The following TWIST2 variants were observed in gnomAD, a reference collection of about 807,000 sequenced individuals.
The protein encoded by TWIST2 is twist family bHLH transcription factor 2.
In TWIST2, 1 loss-of-function variant was observed where a neutral mutation model predicts 11.6. The ratio of observed to expected loss-of-function variants is 0.09; its 90% CI spans 0.03 to 0.41. The LOEUF (loss-of-function observed/expected upper bound fraction) is 0.41. Ranked by LOEUF, TWIST2 falls within the 10% of genes least tolerant of loss-of-function variation. TWIST2 has a pLI of 0.98. For synonymous variants in TWIST2, 87 were observed against 96.6 expected (o/e 0.90, Z 0.58); for missense variants, 168 against 226.4 (o/e 0.74, Z 1.66).
intron 1 of TWIST2, among the ~76,000 whole-genome samples, chr2:238,871,751 C>T (rs570597993): frequency 5.3e-5 from 8 of 151,052 alleles, no homozygotes; most frequent in African/African-American, 1.9e-4. Context: ...GGGACCATAG[C>T]ATGGATGAAC....
chr2:238,869,610 A>G (rs1352081633), intron 1 of TWIST2, among the ~76,000 whole-genome samples: 1 of 152,202 alleles, frequency 6.6e-6, no homozygotes, highest in Non-Finnish European at 1.5e-5. Context: ...GCTTGACACT[A>G]CCACCCATCA....
At chr2:238,905,972 T>TGC (rs1428637953) in intron 1 of TWIST2, among the ~76,000 whole-genome samples, 1 of 139,326 alleles carries the variant, frequency 7.2e-6, no homozygotes, top group South Asian at 2.2e-4. Context: ...TGCGTGTGTG[T>TGC]GCGCGCGCGT....
At chr2:238,853,064 T>C (rs990718972) in intron 1 of TWIST2, among the ~76,000 whole-genome samples, 1 of 152,100 alleles carries the variant, frequency 6.6e-6, no homozygotes, top group Non-Finnish European at 1.5e-5. Context: ...TAGAAGTGGT[T>C]CCCTGTAAGT....
Position 238,865,690 on chromosome 2 carries a change from C to CT in TWIST2, c.*35+16971dup, listed in dbSNP as rs376708742. Among the ~76,000 whole-genome samples, 1,279 of 146,988 alleles carry CT rather than the reference C, an allele frequency of 8.7e-3. 5 individuals are homozygous for CT. Among genetic ancestry groups the CT allele is most frequent in the Non-Finnish European group, 0.011 (764 of 66,484 alleles). Reference sequence around the variant, plus strand: ...AGCTGTGCCATCTGGTCTTTTGGAACTTTTTTTTTTTTTTGCTGTGGCATT... The same window carrying CT: ...AGCTGTGCCATCTGGTCTTTTGGAACTTTTTTTTTTTTTTTGCTGTGGCATT... On this transcript the variant is annotated intron_variant, in intron 1 of 1. Transcript: ENST00000612363.
At chr2:238,852,963 A>G (rs1008401979) in intron 1 of TWIST2, among the ~76,000 whole-genome samples, 4 of 152,222 alleles carry the variant, frequency 2.6e-5, no homozygotes, top group Non-Finnish European at 5.9e-5. Flanking sequence ...ATCTCAGAGT[A>G]ATAAACTAAA....
intron 1 of TWIST2, among the ~76,000 whole-genome samples, chr2:238,853,402 AGG>A (rs1460717479): frequency 3.4e-5 from 5 of 147,132 alleles, no homozygotes; most frequent in African/African-American, 7.7e-5. Context: ...AGAGAGAGAG[AGG>A]GAGAGAGGGA....
Position 238,863,087 on chromosome 2 carries a change from T to G in TWIST2, c.*35+14354T>G, listed in dbSNP as rs962651808. Among the ~76,000 whole-genome samples, 1 of 152,086 alleles carries G rather than the reference T, an allele frequency of 6.6e-6. No homozygotes were observed. The highest frequency in any genetic ancestry group is 2.4e-5 in the African/African-American group (1 of 41,412). ...ATTTTCTACAGATGCCCTGTATTAC[T>G]TCTGCAATTTGAGAACACAAATCCA... On this transcript the variant is annotated intron_variant, in intron 1 of 1. Transcript: ENST00000612363. This position sits in a 1 kb window ranked among gnomAD's most constrained non-coding sequence, Gnocchi z 4.7.
Position 238,848,728 on chromosome 2 carries a change from G to C in TWIST2, c.*30G>C. 4 of 1,464,894 alleles carry C rather than the reference G, an allele frequency of 2.7e-6. No homozygotes were observed. The highest frequency in any genetic ancestry group is 3.6e-6 in the Non-Finnish European group (4 of 1,110,010). The allele number at this position is 1,464,894 out of a possible 1,614,324, so 90.7% of individuals were successfully genotyped here. ...GCGCCACCCACCTCCGGACCGGCGC[G>C]CCAGGGTAGGTGCTGCGCGCGCGAC... On this transcript the variant is annotated 3_prime_UTR_variant, in exon 1 of 2. Transcript: ENST00000612363.
intron 1 of TWIST2, among the ~76,000 whole-genome samples, chr2:238,881,441 TTATTAG>T (rs1408297140): frequency 2.6e-5 from 4 of 151,756 alleles, no homozygotes; most frequent in Admixed American, 6.6e-5. Flanking sequence ...GTGTCGGTAT[TTATTAG>T]TATTAGTGTT....
intron 1 of TWIST2, among the ~76,000 whole-genome samples, chr2:238,888,341 C>T (rs1693076655): frequency 2.0e-5 from 2 of 102,436 alleles, no homozygotes; most frequent in South Asian, 6.5e-4. Context: ...TGTTTGATTG[C>T]AGGGCCGTGC....
chr2:238,858,504 A>T (rs1196871175), intron 1 of TWIST2, among the ~76,000 whole-genome samples: 1 of 152,182 alleles, frequency 6.6e-6, no homozygotes, highest in Non-Finnish European at 1.5e-5. Context: ...GTCAGAACCC[A>T]TTGTCTTGTG....
chr2:238,870,689 ACAC>A (rs1381573230), intron 1 of TWIST2, among the ~76,000 whole-genome samples: 17 of 33,048 alleles, frequency 5.1e-4, no homozygotes, highest in African/African-American at 2.4e-3. Context: ...CACACACCAC[ACAC>A]CACATCCCAC....
At chr2:238,891,339 G>T (rs1394079455) in intron 1 of TWIST2, among the ~76,000 whole-genome samples, 1 of 152,238 alleles carries the variant, frequency 6.6e-6, no homozygotes, top group Non-Finnish European at 1.5e-5. Flanking sequence ...CGCCCTCACT[G>T]TGCCCAGTGG....
intron 1 of TWIST2, among the ~76,000 whole-genome samples, chr2:238,906,179 C>A (rs966170974): frequency 2.0e-5 from 3 of 151,974 alleles, no homozygotes; most frequent in African/African-American, 7.3e-5. Flanking sequence ...AACCACACGT[C>A]CCCCCTGCAC....
At chr2:238,860,860 C>G (rs1202920500) in intron 1 of TWIST2, among the ~76,000 whole-genome samples, 7 of 152,118 alleles carry the variant, frequency 4.6e-5, no homozygotes, top group African/African-American at 1.7e-4. Flanking sequence ...ATCGCTTGAA[C>G]CTGGGAGGTG....
intron 1 of TWIST2, among the ~76,000 whole-genome samples, chr2:238,909,634 A>G (rs1400700685): frequency 2.6e-5 from 4 of 152,044 alleles, no homozygotes; most frequent in African/African-American, 9.7e-5. Context: ...GGCCTGGCCC[A>G]GGGGGCAGGG....
In TWIST2 at chr2:238,867,921, T is replaced by A. The variant is rs1205020067; in HGVS notation, c.*35+19188T>A. On this transcript the variant is annotated intron_variant, in intron 1 of 1. Coordinates refer to ENST00000612363, the MANE Select transcript of TWIST2 (RefSeq NM_001271893.4). This position sits in a 1 kb window ranked among gnomAD's most constrained non-coding sequence, Gnocchi z 4.8. ...AGGAGCAGGTGGGCTGAAGAATGTG[T>A]TGGAGCAGAGACTGTGGTCAGCGGA... is the stretch of plus-strand genomic sequence containing the variant. Among the ~76,000 whole-genome samples, 1 of 152,142 alleles carries A rather than the reference T, an allele frequency of 6.6e-6. No homozygotes were observed. Among genetic ancestry groups the A allele is most frequent in the Non-Finnish European group, 1.5e-5 (1 of 68,020 alleles).
chr2:238,881,989 T>G (rs952453851), intron 1 of TWIST2, among the ~76,000 whole-genome samples: 3 of 152,128 alleles, frequency 2.0e-5, no homozygotes, highest in African/African-American at 7.2e-5. Context: ...TCTCTTCCTC[T>G]GTCTGACTGT....
rs1205335954 is a variant in TWIST2, at chr2:238,864,411, G to A, written c.*35+15678G>A. Reference sequence around the variant, plus strand: ...GAATCAGAGCCGACTGGGAGCAGGAGTGACTCAGAGCCGTGGCTTTTTGTC... The same window carrying A: ...GAATCAGAGCCGACTGGGAGCAGGAATGACTCAGAGCCGTGGCTTTTTGTC... On this transcript the variant is annotated intron_variant, in intron 1 of 1. Coordinates refer to ENST00000612363, the MANE Select transcript of TWIST2 (RefSeq NM_001271893.4). The surrounding 1 kb of genome is among the most constrained non-coding windows in gnomAD (Gnocchi z 4.7). Among the ~76,000 whole-genome samples the A allele has an allele frequency of 6.6e-6, 1 of 152,252 alleles. No individual in the cohort carries two copies. Among genetic ancestry groups the A allele is most frequent in the African/African-American group, 2.4e-5 (1 of 41,472 alleles).
Sources: gnomAD v4.1 joint callset for allele counts (sites outside exome capture counted in the v4.1 genomes callset) on GRCh38, gnomAD v4.1.1 for gene constraint, Gnocchi (gnomAD v3.1) non-coding constraint, MANE v1.5 for transcripts, NCBI Gene and HGNC (gene_info 2026-07-23, HGNC 2026-07-21) for gene names.